LRRC4C: variants seen among roughly 807,000 people sequenced by gnomAD.
The protein encoded by LRRC4C is leucine rich repeat containing 4C, also known as leucine-rich repeat-containing protein 4C.
Under a neutral mutation model 33.6 loss-of-function variants are expected in LRRC4C, and 5 were observed. That is an observed-to-expected ratio of 0.15 (90% CI 0.08 to 0.31). The LOEUF is 0.31. LRRC4C is among the 10% of genes least tolerant of loss of function. The pLI is 1.00. For missense variants in LRRC4C, 560 were observed against 796.7 expected, an observed-to-expected ratio of 0.70 and a Z score of 3.58; for synonymous variants, 329 against 302.0, an observed-to-expected ratio of 1.09 and a Z score of -0.93.
intron 1 of LRRC4C, among the ~76,000 whole-genome samples, chr11:41,121,851 A>G (rs1265633352): frequency 1.3e-5 from 2 of 152,150 alleles, no homozygotes; most frequent in Non-Finnish European, 2.9e-5. Context: ...AGGCAGATCA[A>G]TAATTTCCAG....
chr11:40,288,222 A>G (rs953663797), intron 4 of LRRC4C, among the ~76,000 whole-genome samples: 1 of 152,200 alleles, frequency 6.6e-6, no homozygotes, highest in African/African-American at 2.4e-5. Context: ...GCTAGAGTCC[A>G]AGTTTCACCT....
chr11:40,185,107 C>T (rs986477279), intron 5 of LRRC4C, among the ~76,000 whole-genome samples: 1 of 152,196 alleles, frequency 6.6e-6, no homozygotes, highest in Non-Finnish European at 1.5e-5. Flanking sequence ...ACAGTGTGAA[C>T]ACTTTTAGGA....
chr11:41,305,826 G>A (rs1950482082), intron 1 of LRRC4C, among the ~76,000 whole-genome samples: 1 of 131,712 alleles, frequency 7.6e-6, no homozygotes, highest in Non-Finnish European at 1.6e-5. Context: ...TTGTTTATCT[G>A]CTGACCTTCC....
chr11:40,300,982 T>A (rs1049807164), intron 4 of LRRC4C, among the ~76,000 whole-genome samples: 1 of 152,178 alleles, frequency 6.6e-6, no homozygotes, highest in African/African-American at 2.4e-5. Flanking sequence ...GTTTCTGATC[T>A]GTGATTGGTT....
At chr11:40,408,275 G>A (rs7937773) in intron 3 of LRRC4C, among the ~76,000 whole-genome samples, 54,834 of 151,730 alleles carry the variant, frequency 0.36, 10,555 homozygotes, top group South Asian at 0.46. Flanking sequence ...AAACACAAGT[G>A]TGTGTTTGGG....
chr11:40,707,475 T>C (rs1478289189), intron 2 of LRRC4C, among the ~76,000 whole-genome samples: 1 of 152,140 alleles, frequency 6.6e-6, no homozygotes, highest in Non-Finnish European at 1.5e-5. Flanking sequence ...AATCATGTGG[T>C]TTTTGTCTTT....
intron 5 of LRRC4C, among the ~76,000 whole-genome samples, chr11:40,232,019 T>C (rs1865234649): frequency 6.6e-6 from 1 of 152,148 alleles, no homozygotes; most frequent in Non-Finnish European, 1.5e-5. Flanking sequence ...GGTAGTTTGT[T>C]TCTTTGAGAC....
intron 1 of LRRC4C, among the ~76,000 whole-genome samples, chr11:40,981,889 A>G (rs1405598126): frequency 2.0e-5 from 3 of 152,264 alleles, no homozygotes; most frequent in Non-Finnish European, 2.9e-5. Context: ...AAGTCCTTCA[A>G]CTTGGCAAAG....
intron 3 of LRRC4C, among the ~76,000 whole-genome samples, chr11:40,598,787 G>T (rs552397019): frequency 5.3e-5 from 8 of 152,066 alleles, no homozygotes; most frequent in African/African-American, 1.9e-4. Flanking sequence ...ATTTTGCTCC[G>T]GACTTGTGGA....
intron 2 of LRRC4C, among the ~76,000 whole-genome samples, chr11:40,821,232 A>G (rs578026836): frequency 6.6e-6 from 1 of 151,870 alleles, no homozygotes; most frequent in South Asian, 2.1e-4. Flanking sequence ...AAATTAACCA[A>G]TAAATTCAAT....
At chr11:40,890,613 G>A (rs1955657775) in intron 2 of LRRC4C, among the ~76,000 whole-genome samples, 1 of 152,106 alleles carries the variant, frequency 6.6e-6, no homozygotes, top group African/African-American at 2.4e-5. Flanking sequence ...ATTTTAGAAT[G>A]GTGTTTGTCA....
intron 3 of LRRC4C, among the ~76,000 whole-genome samples, chr11:40,602,844 C>T (rs772781198): frequency 5.9e-5 from 9 of 152,238 alleles, no homozygotes; most frequent in South Asian, 2.1e-4. Flanking sequence ...AACTTCACCA[C>T]GTATCTGCCT....
At chr11:40,365,655 G>T (rs1315967370) in intron 3 of LRRC4C, among the ~76,000 whole-genome samples, 1 of 151,972 alleles carries the variant, frequency 6.6e-6, no homozygotes, top group Non-Finnish European at 1.5e-5. Context: ...TATGTTACAA[G>T]AAGTAAATGT....
intron 2 of LRRC4C, among the ~76,000 whole-genome samples, chr11:40,798,646 T>A: frequency 1.1e-5 from 1 of 93,640 alleles, no homozygotes; most frequent in East Asian, 2.9e-4. Flanking sequence ...TCTTTCTTTC[T>A]TTTTTTTTTT....
chr11:41,408,590 A>G (rs972550895), intron 1 of LRRC4C, among the ~76,000 whole-genome samples: 1 of 152,134 alleles, frequency 6.6e-6, no homozygotes, highest in African/African-American at 2.4e-5. Flanking sequence ...CCTCTTTCAT[A>G]GGACACAGCC....
At chr11:40,920,572 TC>T (rs1029106892) in intron 2 of LRRC4C, among the ~76,000 whole-genome samples, 1 of 152,058 alleles carries the variant, frequency 6.6e-6, no homozygotes, top group African/African-American at 2.4e-5. Context: ...TACAATCATT[TC>T]CCCCAAGCTG....
At chr11:40,237,141 T>G (rs1008320358) in intron 5 of LRRC4C, among the ~76,000 whole-genome samples, 2 of 152,196 alleles carry the variant, frequency 1.3e-5, no homozygotes, top group Non-Finnish European at 2.9e-5. Context: ...CACAGACAGG[T>G]CATAGTCACA....
intron 2 of LRRC4C, among the ~76,000 whole-genome samples, chr11:40,829,280 GATC>G (rs1314671959): frequency 6.6e-6 from 1 of 151,956 alleles, no homozygotes; most frequent in African/African-American, 2.4e-5. Flanking sequence ...AACTCCTTCA[GATC>G]ATCAAGTCCT....
intron 1 of LRRC4C, among the ~76,000 whole-genome samples, chr11:41,226,782 C>T (rs1947560527): frequency 9.1e-6 from 1 of 110,026 alleles, no homozygotes; most frequent in Non-Finnish European, 1.9e-5. Context: ...ACACACCCTT[C>T]TCTCTACGTG....
Sources: allele counts gnomAD v4.1 joint callset (sites outside exome capture counted in the v4.1 genomes callset), GRCh38; gene constraint gnomAD v4.1.1; transcripts MANE v1.5; gene names NCBI Gene and HGNC (gene_info 2026-07-23, HGNC 2026-07-21).